Variants in EYS observed in about 807,000 individuals in gnomAD.
EYS encodes protein eyes shut homolog.
In EYS, 250 loss-of-function variants were observed where a neutral mutation model predicts 282.1. The ratio of observed to expected loss-of-function variants is 0.89; its 90% CI spans 0.80 to 0.98. The LOEUF (loss-of-function observed/expected upper bound fraction) is 0.98. Among genes scored for constraint, EYS ranks in the 50% least tolerant of loss-of-function variants. The pLI, the probability that EYS is intolerant of heterozygous loss-of-function variation, is 0.00. For missense variants in EYS, 4,016 were observed against 3,709.0 expected (o/e 1.08, Z -2.15); for synonymous variants, 1,355 against 1,282.9 (o/e 1.06, Z -1.20).
At chr6:64,478,918 A>T (rs1045203955) in intron 26 of EYS, among the ~76,000 whole-genome samples, 10 of 151,974 alleles carry the variant, frequency 6.6e-5, no homozygotes, top group Non-Finnish European at 1.0e-4. Context: ...TAGATAAATA[A>T]AAGAATATAC....
At chr6:63,891,013 A>C (rs936532314) in intron 35 of EYS, among the ~76,000 whole-genome samples, 2 of 152,216 alleles carry the variant, frequency 1.3e-5, no homozygotes, top group East Asian at 1.9e-4. Context: ...TCCTGGACAC[A>C]TACAGCCTCC....
chr6:64,579,780 C>T (rs1353098954), intron 26 of EYS, among the ~76,000 whole-genome samples: 3 of 152,038 alleles, frequency 2.0e-5, no homozygotes, highest in Non-Finnish European at 4.4e-5. Context: ...ACAGACAGCT[C>T]TTTCCTACGT....
intron 24 of EYS, among the ~76,000 whole-genome samples, chr6:64,610,976 T>TC (rs1458508034): frequency 4.6e-5 from 7 of 152,000 alleles, no homozygotes; most frequent in Non-Finnish European, 1.0e-4. Context: ...CTCCATCTTT[T>TC]TCCCCCCCAT....
intron 11 of EYS, among the ~76,000 whole-genome samples, chr6:65,333,663 G>A (rs1224469072): frequency 6.6e-6 from 1 of 151,346 alleles, no homozygotes; most frequent in Non-Finnish European, 1.5e-5. Context: ...TGTTGAATTG[G>A]CTATTTCTCC....
intron 40 of EYS, among the ~76,000 whole-genome samples, chr6:63,766,876 A>T (rs931127517): frequency 6.6e-6 from 1 of 152,036 alleles, no homozygotes. Flanking sequence ...AAGGGAAAAC[A>T]TAAAGAATCC....
intron 35 of EYS, among the ~76,000 whole-genome samples, chr6:63,968,053 C>T (rs920870713): frequency 1.3e-5 from 2 of 152,072 alleles, no homozygotes; most frequent in Admixed American, 1.3e-4. Context: ...GTCACAAGTA[C>T]CACTAGAATT....
chr6:63,832,739 C>G (rs1771680355), intron 36 of EYS, among the ~76,000 whole-genome samples: 1 of 152,096 alleles, frequency 6.6e-6, no homozygotes, highest in African/African-American at 2.4e-5. Flanking sequence ...ATCCTCATAC[C>G]AAAGCCTGGC....
chr6:64,287,829 C>T (rs1768554052), intron 30 of EYS, among the ~76,000 whole-genome samples: 1 of 152,174 alleles, frequency 6.6e-6, no homozygotes, highest in Admixed American at 6.6e-5. Context: ...CTTTTGGAGT[C>T]TCCATGGCTG....
At chr6:65,559,965 A>G (rs998685301) in intron 2 of EYS, among the ~76,000 whole-genome samples, 2 of 151,116 alleles carry the variant, frequency 1.3e-5, no homozygotes, top group African/African-American at 4.8e-5. Context: ...TCTTTAAAAT[A>G]TTTCAAACAC....
rs368170606 is a variant in EYS, at chr6:64,799,908, TCTGA to T, written c.3443+13466_3443+13469del. 4.1e-3 allele frequency among the ~76,000 whole-genome samples: 630 copies of T among 152,038 alleles called. 7 individuals are homozygous for T. Among genetic ancestry groups the T allele is most frequent in the African/African-American group, 0.015 (610 of 41,564 alleles). On this transcript the variant is annotated intron_variant, in intron 22 of 42. Transcript: ENST00000503581. ...GAAATGGAAAATACTAATAACATTC[TCTGA>T]CTGTCTTTCTTTGTCTCTCTATAAT...
chr6:64,296,594 ATATATT>A lies in EYS; in HGVS notation c.6191+10370_6191+10375del, dbSNP rs1769031110. Among the ~76,000 whole-genome samples, 20 of 4,874 alleles carry A rather than the reference ATATATT, an allele frequency of 4.1e-3. 3 individuals carry two copies. The highest frequency in any genetic ancestry group is 0.012 in the African/African-American group (19 of 1,616). The allele number at this position is 4,874 out of a possible 152,430, so 3.2% of individuals were successfully genotyped here. A position where few individuals can be genotyped will look rare whatever the true frequency, so the allele number is the denominator to read the frequency against. Reference sequence around the variant, plus strand: ...TATATATATATATATACATATATATATATATTTTTTTTTTTTTTTTTTTTTTTTTTG... The same window carrying A: ...TATATATATATATATACATATATATATTTTTTTTTTTTTTTTTTTTTTTTG... On this transcript the variant is annotated intron_variant, in intron 30 of 42. Coordinates refer to ENST00000503581, the MANE Select transcript of EYS (RefSeq NM_001142800.2).
At chr6:65,425,139 T>A (rs1018896958) in intron 5 of EYS, among the ~76,000 whole-genome samples, 1 of 152,112 alleles carries the variant, frequency 6.6e-6, no homozygotes, top group Admixed American at 6.6e-5. Context: ...TAATGTTGAA[T>A]ATTGTGGTTA....
intron 8 of EYS, among the ~76,000 whole-genome samples, chr6:65,379,720 A>C (rs1765537738): frequency 6.6e-6 from 1 of 152,048 alleles, no homozygotes; most frequent in Non-Finnish European, 1.5e-5. Context: ...AGAAAACCCC[A>C]TCGTCTCAGT....
chr6:65,655,759 G>C (rs1767799968), intron 1 of EYS, among the ~76,000 whole-genome samples: 1 of 151,770 alleles, frequency 6.6e-6, no homozygotes, highest in South Asian at 2.1e-4. Context: ...GGAGAGATGA[G>C]AGTTGCTTTT....
intron 30 of EYS, among the ~76,000 whole-genome samples, chr6:64,261,830 A>G (rs1324051412): frequency 6.6e-6 from 1 of 150,844 alleles, no homozygotes; most frequent in East Asian, 2.0e-4. Context: ...CATCTTGGCT[A>G]ACCACAACCA....
intron 33 of EYS, among the ~76,000 whole-genome samples, chr6:64,000,971 A>G (rs1361182314): frequency 6.6e-6 from 1 of 152,212 alleles, no homozygotes; most frequent in East Asian, 1.9e-4. Flanking sequence ...AAGAAACAAA[A>G]AAAACTCTAT....
intron 22 of EYS, among the ~76,000 whole-genome samples, chr6:64,727,720 A>C (rs900917292): frequency 6.6e-6 from 1 of 152,190 alleles, no homozygotes; most frequent in Non-Finnish European, 1.5e-5. Context: ...TTAGCACACA[A>C]TCTCATAACA....
chr6:63,790,121 T>G (rs1770471951), intron 37 of EYS, among the ~76,000 whole-genome samples: 1 of 152,154 alleles, frequency 6.6e-6, no homozygotes, highest in Admixed American at 6.6e-5. Context: ...AAGAACCCCC[T>G]AGAAGTAAGA....
At chr6:64,065,170 A>G (rs994673679) in intron 33 of EYS, among the ~76,000 whole-genome samples, 3 of 152,124 alleles carry the variant, frequency 2.0e-5, no homozygotes, top group Non-Finnish European at 2.9e-5. Context: ...GCCTGTAAGA[A>G]GTTTCATTTT....
Sources: gnomAD v4.1 joint callset for allele counts (sites outside exome capture counted in the v4.1 genomes callset) on GRCh38, gnomAD v4.1.1 for gene constraint, MANE v1.5 for transcripts, NCBI Gene and HGNC (gene_info 2026-07-23, HGNC 2026-07-21) for gene names.